Variants in SCAPER observed in about 807,000 individuals in gnomAD.
SCAPER encodes S phase cyclin A-associated protein in the endoplasmic reticulum.
A neutral mutation model predicts 182.2 loss-of-function variants in SCAPER; 98 were observed. The ratio of observed to expected loss-of-function variants is 0.54; its 90% CI spans 0.46 to 0.64. The LOEUF is 0.64. SCAPER is among the 30% of genes least tolerant of loss of function. The pLI is 0.00. For synonymous variants in SCAPER, 605 were observed against 564.6 expected, an observed-to-expected ratio of 1.07 and a Z score of -1.01; for missense variants, 1,432 against 1,690.0, an observed-to-expected ratio of 0.85 and a Z score of 2.68.
At chr15:76,531,227 T>G (rs545361998) in intron 23 of SCAPER, among the ~76,000 whole-genome samples, 60 of 152,264 alleles carry the variant, frequency 3.9e-4, no homozygotes, top group African/African-American at 1.3e-3. Flanking sequence ...AAGTCAAACC[T>G]GCTACAAGCA....
intron 22 of SCAPER, among the ~76,000 whole-genome samples, chr15:76,600,858 A>G (rs190059695): frequency 8.2e-6 from 1 of 122,094 alleles, no homozygotes; most frequent in Non-Finnish European, 2.0e-5. Flanking sequence ...AAACACAGTA[A>G]GAAGGATAAA....
intron 15 of SCAPER, among the ~76,000 whole-genome samples, chr15:76,733,621 G>A (rs971324071): frequency 3.3e-5 from 5 of 152,118 alleles, no homozygotes; most frequent in African/African-American, 1.2e-4. Context: ...AGGCGTGGTG[G>A]CAGGTGCCTG....
intron 21 of SCAPER, among the ~76,000 whole-genome samples, chr15:76,662,640 A>G (rs1260467698): frequency 6.6e-6 from 1 of 152,184 alleles, no homozygotes; most frequent in Non-Finnish European, 1.5e-5. Context: ...TTAGACATCA[A>G]TGGAATGCAA....
intron 1 of SCAPER, among the ~76,000 whole-genome samples, chr15:76,886,798 C>T (rs1305821110): frequency 6.6e-6 from 1 of 152,190 alleles, no homozygotes; most frequent in Non-Finnish European, 1.5e-5. Context: ...GGTACATATA[C>T]ACCAGGGAAT....
intron 5 of SCAPER, among the ~76,000 whole-genome samples, chr15:76,836,081 C>T (rs2068927430): frequency 6.6e-6 from 1 of 151,996 alleles, no homozygotes; most frequent in Non-Finnish European, 1.5e-5. Context: ...TAGGAAGAAT[C>T]AATACTGATC....
intron 20 of SCAPER, among the ~76,000 whole-genome samples, chr15:76,666,168 C>T (rs2056559451): frequency 6.6e-6 from 1 of 152,172 alleles, no homozygotes; most frequent in Non-Finnish European, 1.5e-5. Context: ...GATCACTGTT[C>T]ACTAGGCGGA....
At chr15:76,493,442 A>C (rs1185400432) in intron 24 of SCAPER, among the ~76,000 whole-genome samples, 1 of 152,212 alleles carries the variant, frequency 6.6e-6, no homozygotes, top group Non-Finnish European at 1.5e-5. Context: ...TTAGAAAGGA[A>C]ATCATATATA....
At chr15:76,843,110 T>C (rs2069643467) in intron 4 of SCAPER, among the ~76,000 whole-genome samples, 1 of 152,176 alleles carries the variant, frequency 6.6e-6, no homozygotes, top group South Asian at 2.1e-4. Context: ...AACACATCCA[T>C]AAAATGTGGT....
intron 26 of SCAPER, among the ~76,000 whole-genome samples, chr15:76,419,995 T>C (rs2045916234): frequency 6.6e-6 from 1 of 152,118 alleles, no homozygotes; most frequent in Non-Finnish European, 1.5e-5. Flanking sequence ...TGGAAATCAA[T>C]AAATGTGATA....
Position 76,616,310 on chromosome 15 carries a change from C to A in SCAPER, c.2711+5454G>T, listed in dbSNP as rs1055188114. Among the ~76,000 whole-genome samples, 32 of 152,004 alleles carry A rather than the reference C, an allele frequency of 2.1e-4. 1 individual carries two copies. The highest frequency in any genetic ancestry group is 7.4e-5 in the Non-Finnish European group (5 of 67,984). On this transcript the variant is annotated intron_variant, in intron 22 of 31. Transcript: ENST00000563290. ...CCCTAAAAAGGATGAATATTCTTAT[C>A]CTTGGTGCAACATGGATAAATCTTG...
At chr15:76,572,919 T>TCTCACACACACA (rs1477852757) in intron 23 of SCAPER, among the ~76,000 whole-genome samples, 8 of 135,264 alleles carry the variant, frequency 5.9e-5, no homozygotes, top group East Asian at 4.4e-4. Flanking sequence ...TCTCTCTCTC[T>TCTCACACACACA]CACACACACA....
In SCAPER at chr15:76,471,299, G is replaced by C; in HGVS notation, c.2991C>G (p.Thr997=). 1 of 1,611,558 alleles carries C rather than the reference G, an allele frequency of 6.2e-7. No homozygotes were observed. Among genetic ancestry groups the C allele is most frequent in the Admixed American group, 1.7e-5 (1 of 59,724 alleles). ...LCNAINVYNL[T]CNNCSENCSD... ...TGCAGTTTTCTGAACAGTTATTGCA[G>C]GTGAGGTTGTAAACATTGATTGCAT... is the stretch of plus-strand genomic sequence containing the variant. Residue 997 remains threonine (T), a synonymous_variant, in exon 25 of 32, where the codon ACC becomes ACG. Transcript: ENST00000563290.
intron 24 of SCAPER, among the ~76,000 whole-genome samples, chr15:76,489,309 T>G (rs933432690): frequency 2.0e-5 from 3 of 150,186 alleles, no homozygotes; most frequent in Non-Finnish European, 4.4e-5. Context: ...TTTAAAAATA[T>G]AAGTACAATT....
rs115006021 is a variant in SCAPER at position 76,800,657 on chromosome 15, C to T, written c.495-293G>A. On this transcript the variant is annotated intron_variant, in intron 6 of 31. Coordinates refer to ENST00000563290, the MANE Select transcript of SCAPER (RefSeq NM_020843.4). ...TGGGGTTACAGGGATATGAGATACG[C>T]TACTTACGATTTATAAGCTTCCAAA... 3.3e-3 allele frequency among the ~76,000 whole-genome samples: 509 copies of T among 152,276 alleles called. 5 individuals carry two copies. The highest frequency in any genetic ancestry group is 0.011 in the African/African-American group (471 of 41,548).
intron 24 of SCAPER, among the ~76,000 whole-genome samples, chr15:76,486,948 C>T (rs550520885): frequency 1.3e-5 from 2 of 151,980 alleles, no homozygotes; most frequent in African/African-American, 2.4e-5. Context: ...ACCTAAATGC[C>T]AACGATTGAA....
Position 76,883,883 on chromosome 15 carries a change from T to C in SCAPER, c.-59-7A>G, listed in dbSNP as rs772846223. ...AACCCATGGAGTATGACTCCTACAA[T>C]AAAAAATATATATACGCTTAGTTAT... is the stretch of plus-strand genomic sequence containing the variant. On this transcript the variant is annotated splice_region_variant and splice_polypyrimidine_tract_variant and intron_variant, in intron 1 of 31. Coordinates refer to ENST00000563290, the MANE Select transcript of SCAPER (RefSeq NM_020843.4). 1.7e-6 allele frequency: 2 copies of C among 1,169,208 alleles called. No individual in the cohort carries two copies. The highest frequency in any genetic ancestry group is 2.4e-6 in the Non-Finnish European group (2 of 827,016). The allele number at this position is 1,169,208 out of a possible 1,614,324, so 72.4% of individuals were successfully genotyped here.
chr15:76,479,468 G>T (rs1323830661), intron 24 of SCAPER, among the ~76,000 whole-genome samples: 1 of 152,120 alleles, frequency 6.6e-6, no homozygotes, highest in Non-Finnish European at 1.5e-5. Context: ...TGAGATAAAG[G>T]CTTTCTGCTC....
At chr15:76,457,299 G>T (rs1273815902) in intron 25 of SCAPER, among the ~76,000 whole-genome samples, 2 of 152,126 alleles carry the variant, frequency 1.3e-5, no homozygotes, top group South Asian at 4.1e-4. Flanking sequence ...TCCTGACCTT[G>T]TGATCCGTCG....
chr15:76,867,989 C>A (rs570931216), intron 2 of SCAPER, among the ~76,000 whole-genome samples: 71 of 151,968 alleles, frequency 4.7e-4, no homozygotes, highest in South Asian at 1.2e-3. Context: ...ACTTACTGGC[C>A]AGATGCATAG....
Sources: gnomAD v4.1 joint callset for allele counts (sites outside exome capture counted in the v4.1 genomes callset) on GRCh38, gnomAD v4.1.1 for gene constraint, MANE v1.5 for transcripts, NCBI Gene and HGNC (gene_info 2026-07-23, HGNC 2026-07-21) for gene names.